BEND6: variants seen among roughly 807,000 people sequenced by gnomAD.
The protein encoded by BEND6 is BEN domain-containing protein 6.
In BEND6, 24 loss-of-function variants were observed where a neutral mutation model predicts 31.8. The observed-to-expected ratio is 0.75, with a 90% CI of 0.55 to 1.06. BEND6 has a LOEUF of 1.06. Ranked by LOEUF, BEND6 falls within the 50% of genes least tolerant of loss-of-function variation. The pLI, the probability that BEND6 is intolerant of heterozygous loss-of-function variation, is 0.00. For synonymous variants in BEND6, 109 were observed against 114.6 expected (o/e 0.95, Z 0.31); for missense variants, 294 against 327.4 (o/e 0.90, Z 0.79).
chr6:57,000,855 G>A, intron 3 of BEND6, among the ~76,000 whole-genome samples: 1 of 144,832 alleles, frequency 6.9e-6, no homozygotes. Context: ...GGATTCTTGG[G>A]CATTCAACCA....
intron 1 of BEND6, among the ~76,000 whole-genome samples, chr6:56,977,173 T>C (rs1314887615): frequency 2.0e-5 from 3 of 152,228 alleles, no homozygotes; most frequent in African/African-American, 7.2e-5. Context: ...AGTTTACAAC[T>C]ATTAGCCTTT....
At chr6:57,004,611 T>A in intron 3 of BEND6, 1 of 1,053,976 alleles carries the variant, frequency 9.5e-7, no homozygotes, top group Admixed American at 1.7e-5. Flanking sequence ...CAGATCAACC[T>A]GGAGCTCTAC....
chr6:57,018,434 A>T lies in BEND6; in HGVS notation c.726A>T (p.Gln242His), dbSNP rs776570717. 5 of 1,583,724 alleles carry T rather than the reference A, an allele frequency of 3.2e-6. No homozygotes were observed. The highest frequency in any genetic ancestry group is 1.7e-4 in the Middle Eastern group (1 of 6,006). The change falls in exon 6 of 7, where the codon CAA (glutamine) becomes CAT (histidine). Residue 242 changes from glutamine (Q) to histidine (H), a missense_variant. Coordinates refer to ENST00000370746, the MANE Select transcript of BEND6 (RefSeq NM_152731.3). ...GGTTTTTTACAGGAGTAACAAAACA[A>T]TTATTTCCCAATACGGATGATGTTT... ...EVQEIIGVTK[Q>H]LFPNTDDVSI...
chr6:56,970,226 A>T (rs527921662), intron 1 of BEND6, among the ~76,000 whole-genome samples: 1 of 151,266 alleles, frequency 6.6e-6, no homozygotes, highest in East Asian at 1.9e-4. Context: ...ACAGAGTCTC[A>T]CTCTGTCACC....
At chr6:57,005,137 A>T (rs984701808) in intron 3 of BEND6, among the ~76,000 whole-genome samples, 21 of 151,856 alleles carry the variant, frequency 1.4e-4, no homozygotes, top group African/African-American at 4.8e-4. Flanking sequence ...TATAAGCCTT[A>T]TTTTTTTTCA....
chr6:56,981,548 A>G (rs1157383967), intron 1 of BEND6, among the ~76,000 whole-genome samples, 163 bp from the exon 2 acceptor site: 1 of 152,234 alleles, frequency 6.6e-6, no homozygotes, highest in Non-Finnish European at 1.5e-5. Context: ...GATGCTGATG[A>G]AATTAGAAGA....
intron 3 of BEND6, among the ~76,000 whole-genome samples, chr6:57,005,605 G>A (rs150490044): frequency 0.032 from 4,906 of 151,472 alleles, 252 homozygotes; most frequent in African/African-American, 0.11. Context: ...GCTTGAACCC[G>A]GGAGACGGAG....
chr6:56,994,805 T>C (rs1164918089), intron 3 of BEND6, among the ~76,000 whole-genome samples: 2 of 152,012 alleles, frequency 1.3e-5, no homozygotes, highest in African/African-American at 4.8e-5. Context: ...GAAGAGAAAA[T>C]TTTAAATAAA....
At chr6:57,021,309 A>T (rs1007709238) in intron 6 of BEND6, among the ~76,000 whole-genome samples, 1 of 152,192 alleles carries the variant, frequency 6.6e-6, no homozygotes, top group Non-Finnish European at 1.5e-5. Context: ...GAATACTGTT[A>T]TATTTTTCTG....
At chr6:56,963,696 A>G (rs370898000) in intron 1 of BEND6, among the ~76,000 whole-genome samples, 3 of 151,838 alleles carry the variant, frequency 2.0e-5, no homozygotes, top group Admixed American at 1.3e-4. Context: ...CCTGTCCTCA[A>G]TGCTATAAAC....
intron 1 of BEND6, among the ~76,000 whole-genome samples, chr6:56,977,399 T>C (rs943437872): frequency 1.3e-5 from 2 of 152,166 alleles, no homozygotes; most frequent in Non-Finnish European, 2.9e-5. Context: ...TGGGCAAAAA[T>C]AGTTTCAAAG....
At chr6:57,014,894 T>C (rs1827476651) in intron 3 of BEND6, among the ~76,000 whole-genome samples, 1 of 152,220 alleles carries the variant, frequency 6.6e-6, no homozygotes, top group South Asian at 2.1e-4. Context: ...TGCATATACA[T>C]TTAACTGCAA....
At chr6:56,966,671 T>C (rs1382989251) in intron 1 of BEND6, among the ~76,000 whole-genome samples, 1 of 152,206 alleles carries the variant, frequency 6.6e-6, no homozygotes, top group Non-Finnish European at 1.5e-5. Flanking sequence ...TTCTGTGCTA[T>C]TACCTCTGTG....
At chr6:57,008,091 T>C in intron 3 of BEND6, 1 of 679,866 alleles carries the variant, frequency 1.5e-6, no homozygotes, top group Non-Finnish European at 2.7e-6. Flanking sequence ...ACAAAAATGC[T>C]TGCTAAGTCT....
At chr6:56,989,734 TTTCTGTTCTGTAAAATGTTTGTTCATGTC>T (rs1291325418) in intron 2 of BEND6, among the ~76,000 whole-genome samples, 1 of 152,216 alleles carries the variant, frequency 6.6e-6, no homozygotes, top group East Asian at 1.9e-4. Context: ...CCCTATGGGT[TTTCTGTTCTGTAAAATGTTTGTTCATGTC>T]TTCTGCCTAT....
intron 3 of BEND6, among the ~76,000 whole-genome samples, chr6:56,997,666 G>A (rs1358058377): frequency 2.0e-5 from 3 of 152,140 alleles, no homozygotes; most frequent in African/African-American, 7.2e-5. Context: ...CCATTCTCCT[G>A]CCTCAGCCTC....
At chr6:56,984,580 CG>C (rs1427838965) in intron 2 of BEND6, among the ~76,000 whole-genome samples, 3 of 152,162 alleles carry the variant, frequency 2.0e-5, no homozygotes, top group Non-Finnish European at 2.9e-5. Flanking sequence ...TCTTGTAGGC[CG>C]GTATTGTGGC....
intron 6 of BEND6, among the ~76,000 whole-genome samples, chr6:57,019,289 C>G (rs1417188327): frequency 6.6e-6 from 1 of 152,158 alleles, no homozygotes; most frequent in East Asian, 1.9e-4. Context: ...GGCTAGCTCA[C>G]TTTTACTTAC....
chr6:56,956,581 GCATCT>G (rs1774114677), intron 1 of BEND6, among the ~76,000 whole-genome samples: 1 of 152,220 alleles, frequency 6.6e-6, no homozygotes, highest in African/African-American at 2.4e-5. Flanking sequence ...TTGACATGTT[GCATCT>G]CATTCATTCA....
Sources: gnomAD v4.1 joint callset for allele counts (sites outside exome capture counted in the v4.1 genomes callset) on GRCh38, gnomAD v4.1.1 for gene constraint, MANE v1.5 for transcripts, NCBI Gene and HGNC (gene_info 2026-07-23, HGNC 2026-07-21) for gene names.